Variants in ZC3H7B observed in about 807,000 individuals in gnomAD.
ZC3H7B encodes the protein zinc finger CCCH-type containing 7B.
A neutral mutation model predicts 116.0 loss-of-function variants in ZC3H7B; 35 were observed. That is an observed-to-expected ratio of 0.30 (90% CI 0.23 to 0.40). The LOEUF is 0.40. ZC3H7B is among the 10% of genes least tolerant of loss of function. The probability of loss-of-function intolerance (pLI) is 1.00; values close to 1 mark genes in which losing one functional copy is unlikely to be tolerated. For synonymous variants in ZC3H7B, 502 were observed against 545.6 expected (o/e 0.92, Z 1.11); for missense variants, 1,011 against 1,321.5 (o/e 0.77, Z 3.64).
In ZC3H7B at chr22:41,302,228, T is replaced by C. The variant is rs1473159914; in HGVS notation, c.-7+456T>C. On this transcript the variant is annotated intron_variant, in intron 1 of 22. Coordinates refer to ENST00000352645, the MANE Select transcript of ZC3H7B (RefSeq NM_017590.6). This position sits in a 1 kb window ranked among gnomAD's most constrained non-coding sequence, Gnocchi z 5.7. ...TGGCAGGGCCCCCCTTCCTTTTGTG[T>C]TGTCCTTGGCCCCGCAGCACCCGGA... is the stretch of plus-strand genomic sequence containing the variant. Among the ~76,000 whole-genome samples the C allele has an allele frequency of 1.3e-5, 2 of 151,714 alleles. No individual in the cohort carries two copies. Among genetic ancestry groups the C allele is most frequent in the Non-Finnish European group, 2.9e-5 (2 of 67,824 alleles).
chr22:41,338,302 T>G lies in ZC3H7B; in HGVS notation c.583-11T>G. 6.2e-7 allele frequency: 1 copy of G among 1,612,034 alleles called. No homozygotes were observed. The highest frequency in any genetic ancestry group is 1.4e-5 in the African/African-American group (1 of 73,916). ...CCCAGCCACAGCGCCACTGTGGCCCTCTCCCCACAGGGAACTTCTAATGGA... is the reference window on the plus strand; with the variant it reads ...CCCAGCCACAGCGCCACTGTGGCCCGCTCCCCACAGGGAACTTCTAATGGA... On this transcript the variant is annotated splice_polypyrimidine_tract_variant and intron_variant, in intron 7 of 22. Transcript: ENST00000352645. This position sits in a 1 kb window ranked among gnomAD's most constrained non-coding sequence, Gnocchi z 4.5.
intron 2 of ZC3H7B, 31 bp downstream of exon 2, chr22:41,320,744 CTGGGTGGGCAAGGG>C: frequency 7.8e-7 from 1 of 1,289,936 alleles, no homozygotes; most frequent in Non-Finnish European, 1.1e-6. Flanking sequence ...GGCTGGACGG[CTGGGTGGGCAAGGG>C]TGGGTTCTCT....
intron 1 of ZC3H7B, among the ~76,000 whole-genome samples, chr22:41,308,150 C>T (rs186803367): frequency 1.3e-5 from 2 of 152,162 alleles, no homozygotes; most frequent in South Asian, 2.1e-4. Flanking sequence ...AGAACCATGT[C>T]TTCTGATTGG....
chr22:41,304,567 T>C (rs2036016131), intron 1 of ZC3H7B, among the ~76,000 whole-genome samples: 1 of 152,194 alleles, frequency 6.6e-6, no homozygotes, highest in African/African-American at 2.4e-5. Context: ...ACAAGAATTC[T>C]GGGGTCAGTG....
intron 9 of ZC3H7B, 113 bp from the exon 10 acceptor site, chr22:41,339,703 G>A: frequency 1.0e-6 from 1 of 968,504 alleles, no homozygotes; most frequent in Non-Finnish European, 1.5e-6. Context: ...ACATGGGACA[G>A]GATGAAGCCA....
chr22:41,309,733 G>C (rs763410480), intron 1 of ZC3H7B, among the ~76,000 whole-genome samples: 2 of 152,110 alleles, frequency 1.3e-5, no homozygotes, highest in Non-Finnish European at 2.9e-5. Flanking sequence ...CCTGCCCATG[G>C]ATGACAAGCT....
At chr22:41,356,497 G>A in intron 21 of ZC3H7B, 21 bp downstream of exon 21, 1 of 1,613,662 alleles carries the variant, frequency 6.2e-7, no homozygotes, top group Non-Finnish European at 8.5e-7. Context: ...CGCCCTGCAT[G>A]CTCGGGGCTG....
chr22:41,354,968 C>T (rs978227453), intron 17 of ZC3H7B, among the ~76,000 whole-genome samples: 1 of 152,176 alleles, frequency 6.6e-6, no homozygotes, highest in Non-Finnish European at 1.5e-5. Context: ...TCTACAGGTT[C>T]GGCACTCATA....
At chr22:41,332,580 A>G (rs1251378501) in intron 7 of ZC3H7B, 5 of 236,108 alleles carry the variant, frequency 2.1e-5, no homozygotes, top group Non-Finnish European at 2.5e-5. Context: ...TGGGCCTCAA[A>G]TGTCTTCCTC....
rs575027688 is a variant in ZC3H7B at position 41,308,291 on chromosome 22, G to A, written c.-7+6519G>A. Among the ~76,000 whole-genome samples the A allele has an allele frequency of 8.5e-4, 129 of 152,258 alleles. No individual in the cohort carries two copies. The South Asian group carries it at 0.027, about 31-fold the overall frequency. ...GTCGCCCTGGTTCAGCTATGCTCTT[G>A]TTCCCTGGAGCATCTCTGTGTCATC... On this transcript the variant is annotated intron_variant, in intron 1 of 22. Transcript: ENST00000352645.
Position 41,346,026 on chromosome 22 carries a change from A to G in ZC3H7B, c.1483A>G (p.Lys495Glu), listed in dbSNP as rs766418434. 1.2e-6 allele frequency: 2 copies of G among 1,614,114 alleles called. No homozygotes were observed. Among genetic ancestry groups the G allele is most frequent in the Non-Finnish European group, 1.7e-6 (2 of 1,180,004 alleles). Residue 495 changes from lysine to glutamate, a missense_variant, in exon 14 of 23, where the codon AAG becomes GAG. Lys to Glu is a moderately conservative substitution (Grantham distance 56). Coordinates refer to ENST00000352645, the MANE Select transcript of ZC3H7B (RefSeq NM_017590.6). The surrounding 1 kb of genome is among the most constrained non-coding windows in gnomAD (Gnocchi z 5.3). ...AGACATGATTAACAAGCAGGACTGT[A>G]AGTACGGGGATAACTGCACCTTCGC... ...CKDMINKQDC[K>E]YGDNCTFAYH...
In ZC3H7B at chr22:41,345,204, T is replaced by G. The variant is rs558106406; in HGVS notation, c.1460-799T>G. ...AAGACAGCTGAGGCTCGGGGAGTAA[T>G]GAGGAATCCTAGCCCAATTCTGTCT... On this transcript the variant is annotated intron_variant, in intron 13 of 22. Coordinates refer to ENST00000352645, the MANE Select transcript of ZC3H7B (RefSeq NM_017590.6). Among the ~76,000 whole-genome samples, 194 of 152,288 alleles carry G rather than the reference T, an allele frequency of 1.3e-3. 1 individual carries two copies. The highest frequency in any genetic ancestry group is 6.8e-3 in the Middle Eastern group (2 of 294).
chr22:41,360,116 T>C lies in ZC3H7B; in HGVS notation c.*2687T>C, dbSNP rs2036768194. ...TGAAAGAAACTTGCTTCCCTTAGCCTTTGTTCTAGAAAATAAACTTGTGCA... is the reference window on the plus strand; with the variant it reads ...TGAAAGAAACTTGCTTCCCTTAGCCCTTGTTCTAGAAAATAAACTTGTGCA... On this transcript the variant is annotated 3_prime_UTR_variant, in exon 23 of 23. Transcript: ENST00000352645. 6.6e-6 allele frequency: 1 copy of C among 152,308 alleles called. No individual in the cohort carries two copies. The highest frequency in any genetic ancestry group is 6.5e-5 in the Admixed American group (1 of 15,290). The allele number at this position is 152,308 out of a possible 1,614,324, so 9.4% of individuals were successfully genotyped here.
intron 1 of ZC3H7B, among the ~76,000 whole-genome samples, chr22:41,308,756 G>T (rs1169619408): frequency 6.6e-6 from 1 of 152,190 alleles, no homozygotes; most frequent in African/African-American, 2.4e-5. Flanking sequence ...GAGTGGTTCT[G>T]AGACCAGCCT....
intron 18 of ZC3H7B, 76 bp downstream of exon 18, chr22:41,355,678 G>A: frequency 6.2e-7 from 1 of 1,611,594 alleles, no homozygotes; most frequent in Non-Finnish European, 8.5e-7. Flanking sequence ...CCAACTGAGA[G>A]AGGCCAGGGC....
chr22:41,303,388 A>G (rs2035999354), intron 1 of ZC3H7B, among the ~76,000 whole-genome samples: 1 of 152,190 alleles, frequency 6.6e-6, no homozygotes, highest in African/African-American at 2.4e-5. Flanking sequence ...GTTTTGGTAG[A>G]TTATTGTGGG....
rs1162413000 is a variant in ZC3H7B, at chr22:41,330,858, C to CTT, written c.525+774_525+775dup. ...TCGGGAGGCTGAGGCAGGAGAATCA[C>CTT]TTTTTTTTTTTTTTTTTTTTGAGAC... On this transcript the variant is annotated intron_variant, in intron 6 of 22. Coordinates refer to ENST00000352645, the MANE Select transcript of ZC3H7B (RefSeq NM_017590.6). Among the ~76,000 whole-genome samples the CTT allele has an allele frequency of 3.5e-3, 449 of 128,644 alleles. 6 individuals are homozygous for CTT. The highest frequency in any genetic ancestry group is 0.012 in the African/African-American group (393 of 33,940). 84.4% of individuals were successfully genotyped at this position (128,644 alleles called of 152,430 possible).
rs980190308 is a variant in ZC3H7B at position 41,351,913 on chromosome 22, C to T, written c.2034+267C>T. Among the ~76,000 whole-genome samples the T allele has an allele frequency of 9.2e-5, 14 of 152,112 alleles. No individual in the cohort carries two copies. Among genetic ancestry groups the T allele is most frequent in the African/African-American group, 3.4e-4 (14 of 41,386 alleles). ...TCATGGCCCACTGCAGCTTCCACCT[C>T]CTGGTCTCAGGTGATCCTCCTGCCT... On this transcript the variant is annotated intron_variant, in intron 17 of 22. Transcript: ENST00000352645. The surrounding 1 kb of genome is among the most constrained non-coding windows in gnomAD (Gnocchi z 5.1).
chr22:41,330,362 G>A (rs181573752), intron 6 of ZC3H7B, among the ~76,000 whole-genome samples: 1 of 152,386 alleles, frequency 6.6e-6, no homozygotes, highest in Non-Finnish European at 1.5e-5. Context: ...GCTGACTTTA[G>A]TCACCTGGAG....
Sources: gnomAD v4.1 joint callset for allele counts (sites outside exome capture counted in the v4.1 genomes callset) on GRCh38, gnomAD v4.1.1 for gene constraint, Gnocchi (gnomAD v3.1) non-coding constraint, MANE v1.5 for transcripts, NCBI Gene and HGNC (gene_info 2026-07-23, HGNC 2026-07-21) for gene names.